The following GHRH variants were observed in gnomAD, a reference collection of about 807,000 sequenced individuals.
GHRH encodes growth hormone releasing hormone.
In GHRH, 7 loss-of-function variants were observed where a neutral mutation model predicts 15.6. The ratio of observed to expected loss-of-function variants is 0.45; its 90% CI spans 0.26 to 0.84. The LOEUF (loss-of-function observed/expected upper bound fraction) is 0.84, where lower values mean the gene tolerates loss of function less well. GHRH is among the 40% of genes least tolerant of loss of function. The pLI is 0.18. For synonymous variants in GHRH, 54 were observed against 50.4 expected, an observed-to-expected ratio of 1.07 and a Z score of -0.30; for missense variants, 117 against 138.0, an observed-to-expected ratio of 0.85 and a Z score of 0.76.
chr20:37,256,604 T>C (rs1227700896), intron 2 of GHRH, 106 bp from the exon 3 acceptor site: 1 of 776,694 alleles, frequency 1.3e-6, no homozygotes, highest in East Asian at 2.6e-5. Flanking sequence ...TTGCCATCTG[T>C]CCCACTCACC....
At chr20:37,254,743 G>A (rs184601839) in intron 3 of GHRH, among the ~76,000 whole-genome samples, 6 of 152,230 alleles carry the variant, frequency 3.9e-5, no homozygotes, top group African/African-American at 7.2e-5. Flanking sequence ...TTAGAGGAAC[G>A]CATCCTCTAA....
At chr20:37,260,433 A>T (rs1226709802) in intron 1 of GHRH, among the ~76,000 whole-genome samples, 1 of 152,038 alleles carries the variant, frequency 6.6e-6, no homozygotes, top group Non-Finnish European at 1.5e-5. Context: ...AACAAAAAAA[A>T]ACTTATCTAG....
chr20:37,253,176 T>C (rs867787360), intron 4 of GHRH, among the ~76,000 whole-genome samples: 3 of 152,352 alleles, frequency 2.0e-5, no homozygotes, highest in South Asian at 2.1e-4. Flanking sequence ...TGCCATTCCC[T>C]GACTTGGGGC....
At chr20:37,254,424 C>T in intron 3 of GHRH, 95 bp from the exon 4 acceptor site, 1 of 1,254,006 alleles carries the variant, frequency 8.0e-7, no homozygotes, top group Non-Finnish European at 1.2e-6. Context: ...CTGGTGTGGA[C>T]TCTTCTACCC....
chr20:37,255,704 C>CAATGGGGA (rs1730086949), intron 3 of GHRH, among the ~76,000 whole-genome samples: 1 of 128,532 alleles, frequency 7.8e-6, no homozygotes, highest in African/African-American at 2.9e-5. Flanking sequence ...TAACCCTGTA[C>CAATGGGGA]AATGGGGATA....
chr20:37,253,127 G>C (rs889458396), intron 4 of GHRH, among the ~76,000 whole-genome samples: 10 of 152,218 alleles, frequency 6.6e-5, no homozygotes, highest in Non-Finnish European at 2.9e-5. Flanking sequence ...TGGGGGCTTT[G>C]TGCAAAGAAG....
chr20:37,253,333 G>A (rs2146746787), intron 4 of GHRH, among the ~76,000 whole-genome samples: 1 of 152,328 alleles, frequency 6.6e-6, no homozygotes, highest in African/African-American at 2.4e-5. Context: ...ACAGGGTGTG[G>A]GAGGGCTGGT....
chr20:37,251,588 C>A (rs562771717), intron 4 of GHRH, among the ~76,000 whole-genome samples: 1 of 152,338 alleles, frequency 6.6e-6, no homozygotes, highest in African/African-American at 2.4e-5. Context: ...TGTACAAGAA[C>A]GTGTCTAGTT....
chr20:37,260,531 T>A (rs1199541976), intron 1 of GHRH, among the ~76,000 whole-genome samples: 1 of 152,146 alleles, frequency 6.6e-6, no homozygotes, highest in Non-Finnish European at 1.5e-5. Flanking sequence ...GCTGCAGTGA[T>A]CCATGATAGT....
chr20:37,260,274 G>A (rs2068680846), intron 1 of GHRH, among the ~76,000 whole-genome samples: 1 of 152,090 alleles, frequency 6.6e-6, no homozygotes, highest in Non-Finnish European at 1.5e-5. Context: ...TGGGTTTGCA[G>A]ATCCCACTGG....
At chr20:37,251,610 C>T (rs1211712905) in intron 4 of GHRH, among the ~76,000 whole-genome samples, 2 of 152,210 alleles carry the variant, frequency 1.3e-5, no homozygotes, top group South Asian at 2.1e-4. Flanking sequence ...CTTGCTGCTT[C>T]GGTGTGTTAT....
At chr20:37,259,908 A>T (rs540644814) in intron 1 of GHRH, among the ~76,000 whole-genome samples, 1 of 152,096 alleles carries the variant, frequency 6.6e-6, no homozygotes, top group Non-Finnish European at 1.5e-5. Context: ...TTCCCCATTC[A>T]CAGGGATCCT....
At chr20:37,260,966 T>C (rs1161686510) in intron 1 of GHRH, among the ~76,000 whole-genome samples, 1 of 152,168 alleles carries the variant, frequency 6.6e-6, no homozygotes, top group East Asian at 1.9e-4. Flanking sequence ...AAGAACATCT[T>C]TAACCTTCCT....
chr20:37,255,332 CA>C (rs373310417), intron 3 of GHRH, among the ~76,000 whole-genome samples: 32 of 152,158 alleles, frequency 2.1e-4, no homozygotes, highest in Admixed American at 7.2e-4. Context: ...AGTTTGGCTC[CA>C]AACTCTGCCA....
At chr20:37,260,537 A>G (rs1276604127) in intron 1 of GHRH, among the ~76,000 whole-genome samples, 1 of 152,182 alleles carries the variant, frequency 6.6e-6, no homozygotes, top group African/African-American at 2.4e-5. Context: ...GTGATCCATG[A>G]TAGTGCCACT....
chr20:37,256,607 C>A, intron 2 of GHRH, 109 bp from the exon 3 acceptor site: 2 of 766,622 alleles, frequency 2.6e-6, no homozygotes, highest in South Asian at 1.7e-5. Context: ...CCATCTGTCC[C>A]ACTCACCCCA....
chr20:37,253,875 C>T (rs572365886), intron 4 of GHRH, among the ~76,000 whole-genome samples: 316 of 152,262 alleles, frequency 2.1e-3, no homozygotes, highest in Middle Eastern at 6.8e-3. Flanking sequence ...CTCAGCCTCC[C>T]GAGTGGCTGG....
chr20:37,261,144 G>A (rs2068684803), intron 1 of GHRH, among the ~76,000 whole-genome samples: 1 of 152,106 alleles, frequency 6.6e-6, no homozygotes, highest in South Asian at 2.1e-4. Context: ...TTCCAGAAGG[G>A]GTTTGAGGCA....
intron 3 of GHRH, among the ~76,000 whole-genome samples, chr20:37,255,530 G>A (rs528159661): frequency 4.5e-4 from 68 of 151,638 alleles, no homozygotes; most frequent in African/African-American, 1.5e-3. Flanking sequence ...GCATGGTGGC[G>A]GGCACCTGTA....
Sources: gnomAD v4.1 joint callset for allele counts (sites outside exome capture counted in the v4.1 genomes callset) on GRCh38, gnomAD v4.1.1 for gene constraint, MANE v1.5 for transcripts, NCBI Gene and HGNC (gene_info 2026-07-23, HGNC 2026-07-21) for gene names.